The following FAM13C variants were observed in gnomAD, a reference collection of about 807,000 sequenced individuals.
The protein encoded by FAM13C is family with sequence similarity 13 member C, also known as protein FAM13C.
FAM13C carries 37 observed loss-of-function variants against 73.2 expected under a neutral mutation model. That is an observed-to-expected ratio of 0.51 (90% CI 0.39 to 0.67). FAM13C has a LOEUF of 0.67. Among genes scored for constraint, FAM13C ranks in the 30% least tolerant of loss-of-function variants. The pLI, the probability that FAM13C is intolerant of heterozygous loss-of-function variation, is 0.00. For synonymous variants in FAM13C, 246 were observed against 260.9 expected, an observed-to-expected ratio of 0.94 and a Z score of 0.55; for missense variants, 589 against 715.6, an observed-to-expected ratio of 0.82 and a Z score of 2.02.
chr10:59,300,340 C>T (rs1847449062), intron 5 of FAM13C, among the ~76,000 whole-genome samples: 1 of 152,206 alleles, frequency 6.6e-6, no homozygotes, highest in Non-Finnish European at 1.5e-5. Flanking sequence ...GACCATGATT[C>T]TCATGAGGCT....
intron 4 of FAM13C, among the ~76,000 whole-genome samples, chr10:59,310,725 A>G (rs1466930864): frequency 6.6e-6 from 1 of 152,184 alleles, no homozygotes; most frequent in East Asian, 1.9e-4. Flanking sequence ...AGCTAGAAAC[A>G]GAACACTGAT....
At chr10:59,285,597 C>G (rs973291943) in intron 5 of FAM13C, among the ~76,000 whole-genome samples, 21 of 152,214 alleles carry the variant, frequency 1.4e-4, no homozygotes, top group Non-Finnish European at 2.6e-4. Flanking sequence ...TGCTGCATAT[C>G]TAGCCAAAAC....
chr10:59,344,339 C>A (rs535298976), intron 3 of FAM13C, among the ~76,000 whole-genome samples: 3 of 149,280 alleles, frequency 2.0e-5, no homozygotes, highest in Non-Finnish European at 3.0e-5. Flanking sequence ...AGTGCAGCAG[C>A]GCGATCTCGG....
At chr10:59,349,768 A>G (rs1051141925) in intron 3 of FAM13C, among the ~76,000 whole-genome samples, 2 of 152,200 alleles carry the variant, frequency 1.3e-5, no homozygotes, top group Non-Finnish European at 2.9e-5. Context: ...GTCTCAAATA[A>G]TAAAAATAAT....
chr10:59,295,032 C>T (rs764979998), intron 5 of FAM13C, among the ~76,000 whole-genome samples: 1 of 152,164 alleles, frequency 6.6e-6, no homozygotes, highest in Non-Finnish European at 1.5e-5. Context: ...TCAGCTTATT[C>T]CAAACACCAA....
chr10:59,253,188 T>C (rs2133377582), intron 11 of FAM13C, among the ~76,000 whole-genome samples, 190 bp from the exon 12 acceptor site: 1 of 152,260 alleles, frequency 6.6e-6, no homozygotes, highest in Non-Finnish European at 1.5e-5. Context: ...CTACAGAAGT[T>C]AATGAGCAAA....
In FAM13C at chr10:59,249,142, C is replaced by T. The variant is rs369201765; in HGVS notation, c.1635-1405G>A. 5.9e-5 allele frequency among the ~76,000 whole-genome samples: 9 copies of T among 152,274 alleles called. No individual in the cohort carries two copies. The South Asian group carries it at 1.7e-3, about 28-fold the overall frequency. On this transcript the variant is annotated intron_variant, in intron 13 of 13. Coordinates refer to ENST00000618804, the MANE Select transcript of FAM13C (RefSeq NM_198215.4). ...CTTTGAGGCCGGGCACAGTGGCTCA[C>T]GCCTGTAATCCCAGCACTTTGAGAG...
intron 6 of FAM13C, among the ~76,000 whole-genome samples, chr10:59,273,160 A>G (rs993012400): frequency 1.3e-5 from 2 of 152,208 alleles, no homozygotes; most frequent in Non-Finnish European, 2.9e-5. Context: ...ATGACCAAGA[A>G]TTCATGAATT....
intron 4 of FAM13C, among the ~76,000 whole-genome samples, chr10:59,317,280 G>A (rs186400038): frequency 7.9e-5 from 12 of 152,136 alleles, no homozygotes; most frequent in African/African-American, 2.2e-4. Context: ...CATTCTAGTC[G>A]CCTCAGGCAC....
At chr10:59,343,883 G>A (rs1853855166) in intron 3 of FAM13C, among the ~76,000 whole-genome samples, 1 of 151,918 alleles carries the variant, frequency 6.6e-6, no homozygotes, top group African/African-American at 2.4e-5. Context: ...CATGAAATAT[G>A]CAATTAAGGA....
intron 3 of FAM13C, among the ~76,000 whole-genome samples, chr10:59,340,713 A>C (rs2134172602): frequency 6.6e-6 from 1 of 152,054 alleles, no homozygotes; most frequent in Non-Finnish European, 1.5e-5. Context: ...TTTATAGGTA[A>C]CCAGTGAAAA....
chr10:59,346,830 T>C (rs1288633544), intron 3 of FAM13C, among the ~76,000 whole-genome samples: 1 of 152,224 alleles, frequency 6.6e-6, no homozygotes, highest in Non-Finnish European at 1.5e-5. Context: ...ACATATAATC[T>C]GTGCCTTAAA....
intron 4 of FAM13C, among the ~76,000 whole-genome samples, chr10:59,318,927 A>C (rs1463418309): frequency 6.6e-6 from 1 of 152,180 alleles, no homozygotes; most frequent in Non-Finnish European, 1.5e-5. Flanking sequence ...GTACAGTCCA[A>C]GAAGGGAGAT....
chr10:59,346,300 G>A (rs1288385230), intron 3 of FAM13C, among the ~76,000 whole-genome samples: 1 of 152,160 alleles, frequency 6.6e-6, no homozygotes, highest in South Asian at 2.1e-4. Flanking sequence ...CAGAAATATA[G>A]TAAATATTTT....
intron 11 of FAM13C, 103 bp downstream of exon 11, chr10:59,254,245 A>T: frequency 1.4e-6 from 1 of 707,788 alleles, no homozygotes; most frequent in Non-Finnish European, 2.2e-6. Flanking sequence ...TGTTTGCAGT[A>T]TATACTGCCA....
At chr10:59,292,249 T>A (rs1316147809) in intron 5 of FAM13C, among the ~76,000 whole-genome samples, 2 of 152,244 alleles carry the variant, frequency 1.3e-5, no homozygotes, top group Non-Finnish European at 2.9e-5. Flanking sequence ...AGGTCTTAAG[T>A]TGGATAAGCC....
intron 6 of FAM13C, among the ~76,000 whole-genome samples, chr10:59,280,906 T>G (rs1343680544): frequency 6.6e-6 from 1 of 152,198 alleles, no homozygotes; most frequent in Non-Finnish European, 1.5e-5. Flanking sequence ...ATGTTTGCTA[T>G]TTATGGTTAA....
chr10:59,300,804 G>T (rs973935938), intron 5 of FAM13C: 1 of 152,202 alleles, frequency 6.6e-6, no homozygotes, highest in Admixed American at 6.5e-5. Flanking sequence ...TCATAGGAGA[G>T]TAGCGACTGG....
At chr10:59,327,803 A>G (rs1054423844) in intron 3 of FAM13C, 1 of 152,316 alleles carries the variant, frequency 6.6e-6, no homozygotes, top group South Asian at 2.1e-4. Flanking sequence ...AGAGAAGTGA[A>G]TAAGACATTC....
Sources: allele counts gnomAD v4.1 joint callset (sites outside exome capture counted in the v4.1 genomes callset), GRCh38; gene constraint gnomAD v4.1.1; transcripts MANE v1.5; gene names NCBI Gene and HGNC (gene_info 2026-07-23, HGNC 2026-07-21).